Variants in LINGO2 observed in about 807,000 individuals in gnomAD.
The protein encoded by LINGO2 is leucine-rich repeat and immunoglobulin-like domain-containing nogo receptor-interacting protein 2.
A neutral mutation model predicts 30.6 loss-of-function variants in LINGO2; 14 were observed. The ratio of observed to expected loss-of-function variants is 0.46; its 90% confidence interval spans 0.30 to 0.72. LINGO2 has a LOEUF of 0.72. Among genes scored for constraint, LINGO2 ranks in the 30% least tolerant of loss-of-function variants. The pLI is 0.07. For synonymous variants in LINGO2, 317 were observed against 288.5 expected (o/e 1.10, Z -1.00); for missense variants, 729 against 751.7 (o/e 0.97, Z 0.35).
chr9:27,986,351 G>A (rs1821123521), intron 5 of LINGO2, among the ~76,000 whole-genome samples: 1 of 151,696 alleles, frequency 6.6e-6, no homozygotes, highest in South Asian at 2.1e-4. Flanking sequence ...AGGGGCAAAG[G>A]GACTGAGTAC....
At chr9:28,529,612 T>A (rs1821155514) in intron 1 of LINGO2, among the ~76,000 whole-genome samples, 1 of 151,684 alleles carries the variant, frequency 6.6e-6, no homozygotes, top group Non-Finnish European at 1.5e-5. Flanking sequence ...AATACTTTTT[T>A]TTTTTTTTTT....
the LINGO2 span, among the ~76,000 whole-genome samples, chr9:29,068,543 C>T: frequency 6.6e-6 from 1 of 151,498 alleles, no homozygotes; most frequent in Non-Finnish European, 1.5e-5. Context: ...TTATATGCAC[C>T]AAGGATAAAT....
chr9:28,816,910 AT>A, the LINGO2 span, among the ~76,000 whole-genome samples: 22 of 152,034 alleles, frequency 1.4e-4, no homozygotes, highest in African/African-American at 2.9e-4. Context: ...GCATTTAAGA[AT>A]TTTTTTTCCA....
chr9:29,157,548 G>C, the LINGO2 span, among the ~76,000 whole-genome samples: 1 of 152,158 alleles, frequency 6.6e-6, no homozygotes, highest in Non-Finnish European at 1.5e-5. Context: ...ATTAGGCCTA[G>C]ATGTAGTAAG....
the LINGO2 span, among the ~76,000 whole-genome samples, chr9:28,767,778 T>C: frequency 3.5e-5 from 3 of 85,960 alleles, no homozygotes; most frequent in African/African-American, 4.4e-5. Flanking sequence ...AGAGCAAGAC[T>C]CCATTTCAAA....
chr9:28,532,159 A>G (rs555081273), intron 1 of LINGO2, among the ~76,000 whole-genome samples: 4 of 152,060 alleles, frequency 2.6e-5, no homozygotes, highest in Non-Finnish European at 5.9e-5. Context: ...TTTAACAGAC[A>G]TTTTCTGCCT....
At chr9:28,994,529 A>C in the LINGO2 span, among the ~76,000 whole-genome samples, 8 of 151,442 alleles carry the variant, frequency 5.3e-5, no homozygotes, top group African/African-American at 1.7e-4. Flanking sequence ...TTTAAAGTTC[A>C]TATGGAACCA....
chr9:28,301,679 C>T (rs1824149840), intron 3 of LINGO2, among the ~76,000 whole-genome samples: 1 of 152,160 alleles, frequency 6.6e-6, no homozygotes, highest in Non-Finnish European at 1.5e-5. Flanking sequence ...TTTCAGATAG[C>T]CTATTTTGGG....
exon 6 of LINGO2, chr9:27,949,067 G>A: frequency 1.9e-6 from 3 of 1,614,142 alleles, no homozygotes; most frequent in Non-Finnish European, 1.7e-6. Flanking sequence ...TAAGGTCCAG[G>A]GAAAAAGTAT....
chr9:28,192,936 G>A (rs998052817), intron 4 of LINGO2, among the ~76,000 whole-genome samples: 3 of 152,112 alleles, frequency 2.0e-5, no homozygotes, highest in Non-Finnish European at 4.4e-5. Flanking sequence ...AATACCCACT[G>A]AGTCACATTC....
intron 4 of LINGO2, among the ~76,000 whole-genome samples, chr9:28,049,486 A>G (rs748648182): frequency 1.3e-5 from 2 of 150,592 alleles, no homozygotes; most frequent in Non-Finnish European, 2.9e-5. Context: ...AAGACATTGC[A>G]TATAGGGACT....
intron 4 of LINGO2, among the ~76,000 whole-genome samples, chr9:28,125,747 G>T (rs1259921932): frequency 1.3e-5 from 2 of 152,144 alleles, no homozygotes; most frequent in East Asian, 3.8e-4. Flanking sequence ...AGGGTGAGCT[G>T]AGCCCATGAA....
rs1481757236 is a variant in LINGO2, at chr9:28,631,594, G to C, written c.-365+38606C>G. 2.6e-5 allele frequency among the ~76,000 whole-genome samples: 4 copies of C among 152,150 alleles called. 1 individual carries two copies. The South Asian group carries it at 8.3e-4, about 32-fold the overall frequency. ...GAAACCTATTTTCTTGGGAAATAAG[G>C]GTCGTAATATTGGGGAAAGTGTATG... is the stretch of plus-strand genomic sequence containing the variant. On this transcript the variant is annotated intron_variant, in intron 1 of 5. Coordinates refer to ENST00000379992, the Ensembl canonical transcript of LINGO2.
chr9:28,907,062 T>A, the LINGO2 span, among the ~76,000 whole-genome samples: 1 of 151,964 alleles, frequency 6.6e-6, no homozygotes, highest in Non-Finnish European at 1.5e-5. Context: ...GCAATCAACA[T>A]CATCAAATAT....
intron 4 of LINGO2, among the ~76,000 whole-genome samples, chr9:28,216,863 T>C (rs1044529480): frequency 4.0e-5 from 6 of 151,810 alleles, no homozygotes; most frequent in Admixed American, 2.6e-4. Context: ...TCCCATCATA[T>C]AAAAGAAAAA....
the LINGO2 span, among the ~76,000 whole-genome samples, chr9:29,032,930 G>A: frequency 1.7e-3 from 252 of 152,200 alleles, 4 homozygotes; most frequent in Admixed American, 0.015. Flanking sequence ...ATTTTCCAAT[G>A]TGTTAAACTA....
At chr9:28,632,758 A>ATAAATC (rs1827032440) in intron 1 of LINGO2, among the ~76,000 whole-genome samples, 1 of 138,494 alleles carries the variant, frequency 7.2e-6, no homozygotes, top group Non-Finnish European at 1.5e-5. Flanking sequence ...AGATCTATAT[A>ATAAATC]TATAGATTTA....
At chr9:29,070,064 T>G in the LINGO2 span, among the ~76,000 whole-genome samples, 2 of 143,162 alleles carry the variant, frequency 1.4e-5, no homozygotes, top group Non-Finnish European at 1.5e-5. Flanking sequence ...TGCTAAATCT[T>G]ATATATATAT....
chr9:28,270,891 G>A (rs1325207491), intron 4 of LINGO2, among the ~76,000 whole-genome samples: 1 of 152,114 alleles, frequency 6.6e-6, no homozygotes, highest in East Asian at 1.9e-4. Context: ...GATTCAGAGA[G>A]ACTAAATCAT....
Sources: allele counts gnomAD v4.1 joint callset (sites outside exome capture counted in the v4.1 genomes callset), GRCh38; gene constraint gnomAD v4.1.1; transcripts MANE v1.5; gene names NCBI Gene and HGNC (gene_info 2026-07-23, HGNC 2026-07-21).